The following ATE1 variants were observed in gnomAD, a reference collection of about 807,000 sequenced individuals.
The protein encoded by ATE1 is arginyltransferase 1, also known as arginyl-tRNA--protein transferase 1.
ATE1 carries 36 observed loss-of-function variants against 70.5 expected under a neutral mutation model. The ratio of observed to expected loss-of-function variants is 0.51; its 90% CI spans 0.39 to 0.67. ATE1 has a LOEUF of 0.67. Among genes scored for constraint, ATE1 ranks in the 30% least tolerant of loss-of-function variants. ATE1 has a pLI of 0.00. For missense variants in ATE1, 593 were observed against 629.5 expected, an observed-to-expected ratio of 0.94 and a Z score of 0.62; for synonymous variants, 232 against 219.3, an observed-to-expected ratio of 1.06 and a Z score of -0.51.
At chr10:121,757,864 A>G (rs1329049874) in intron 11 of ATE1, among the ~76,000 whole-genome samples, 1 of 152,208 alleles carries the variant, frequency 6.6e-6, no homozygotes, top group Non-Finnish European at 1.5e-5. Context: ...TTCCCATCAT[A>G]TTCCCTCATA....
chr10:121,876,783 A>G (rs919533281), intron 7 of ATE1, among the ~76,000 whole-genome samples: 6 of 152,034 alleles, frequency 3.9e-5, no homozygotes, highest in South Asian at 2.1e-4. Context: ...TGGGTAACAC[A>G]GTGAAACCCC....
intron 6 of ATE1, among the ~76,000 whole-genome samples, chr10:121,901,605 C>A (rs542408098): frequency 6.6e-6 from 1 of 151,912 alleles, no homozygotes; most frequent in East Asian, 1.9e-4. Flanking sequence ...TACAGGTGCA[C>A]GCCACCACGC....
intron 11 of ATE1, among the ~76,000 whole-genome samples, chr10:121,756,780 C>T (rs1366736282): frequency 6.6e-6 from 1 of 152,158 alleles, no homozygotes; most frequent in Non-Finnish European, 1.5e-5. Flanking sequence ...CACAGGGACC[C>T]CTGGGCCCAG....
rs1380474278 is a variant in ATE1 at position 121,924,249 on chromosome 10, G to A, written c.170+17C>T. On this transcript the variant is annotated intron_variant, in intron 2 of 11. Coordinates refer to ENST00000224652, the MANE Select transcript of ATE1 (RefSeq NM_001001976.3). ...CTGAGTAACAGTAGGAAGTCTCTTTGTATCTGGAAGCTTTACCTTCGCCAT... is the reference window on the plus strand; with the variant it reads ...CTGAGTAACAGTAGGAAGTCTCTTTATATCTGGAAGCTTTACCTTCGCCAT... 1 of 1,610,052 alleles carries A rather than the reference G, an allele frequency of 6.2e-7. No homozygotes were observed. The highest frequency in any genetic ancestry group is 1.7e-5 in the Admixed American group (1 of 59,998).
In ATE1 at chr10:121,913,828, A is replaced by T. The variant is rs1951539087; in HGVS notation, c.299T>A (p.Phe100Tyr). The T allele has an allele frequency of 6.2e-7, 1 of 1,613,560 alleles. No individual in the cohort carries two copies. The highest frequency in any genetic ancestry group is 8.5e-7 in the Non-Finnish European group (1 of 1,179,548). Reference sequence around the variant, plus strand: ...TTTGGGAACCTCCCCTTTAGCTAGAAATTTCAACATTTTTTTCAAAACCTT... The same window carrying T: ...TTTGGGAACCTCCCCTTTAGCTAGATATTTCAACATTTTTTTCAAAACCTT... ...HKKVLKKMLKFLAKGEVPKGS... is the reference protein window; with the variant it reads ...HKKVLKKMLKYLAKGEVPKGS... Residue 100 changes from phenylalanine (F) to tyrosine (Y), a missense_variant, in exon 4 of 12, where the codon TTT becomes TAT. By Grantham distance (22) the Phe-to-Tyr change is conservative. Coordinates refer to ENST00000224652, the MANE Select transcript of ATE1 (RefSeq NM_001001976.3).
At chr10:121,788,429 C>T (rs1333115549) in intron 11 of ATE1, among the ~76,000 whole-genome samples, 1 of 152,260 alleles carries the variant, frequency 6.6e-6, no homozygotes, top group East Asian at 1.9e-4. Context: ...TATGGTCACT[C>T]GTCATCAGGT....
At chr10:121,902,329 A>C in intron 6 of ATE1, 62 bp downstream of exon 6, 2 of 1,417,192 alleles carry the variant, frequency 1.4e-6, no homozygotes, top group Non-Finnish European at 1.9e-6. Context: ...AATAAAAATA[A>C]ACGATATGCC....
chr10:121,889,223 C>T (rs1321783377), intron 7 of ATE1, among the ~76,000 whole-genome samples: 6 of 152,010 alleles, frequency 3.9e-5, no homozygotes, highest in Non-Finnish European at 7.4e-5. Context: ...TCTGTATATA[C>T]GTTATACTTC....
chr10:121,876,632 A>C (rs564051926), intron 7 of ATE1, among the ~76,000 whole-genome samples: 1 of 152,216 alleles, frequency 6.6e-6, no homozygotes, highest in Non-Finnish European at 1.5e-5. Flanking sequence ...TAACAATTCT[A>C]TATCTTAAAG....
At chr10:121,860,363 A>G (rs994192535) in intron 8 of ATE1, among the ~76,000 whole-genome samples, 1 of 152,226 alleles carries the variant, frequency 6.6e-6, no homozygotes, top group Non-Finnish European at 1.5e-5. Flanking sequence ...CCATGCCAAC[A>G]CACAATCACA....
rs1458259179 is a variant in ATE1 at position 121,790,230 on chromosome 10, C to T, written c.1317G>A (p.Glu439=). 6.2e-7 allele frequency: 1 copy of T among 1,614,084 alleles called. No individual in the cohort carries two copies. Among genetic ancestry groups the T allele is most frequent in the South Asian group, 1.1e-5 (1 of 91,080 alleles). Residue 439 remains glutamate, a synonymous_variant, in exon 11 of 12, where the codon GAG becomes GAA. Coordinates refer to ENST00000224652, the MANE Select transcript of ATE1 (RefSeq NM_001001976.3). ...CPETYVWVPI[E]QCLPSLENSK... ...AGTTTTCAAGTGAAGGCAGGCATTG[C>T]TCAATGGGTACCCAAACATATGTCT... is the stretch of plus-strand genomic sequence containing the variant.
chr10:121,801,275 GACTT>G (rs1421278013), intron 10 of ATE1, among the ~76,000 whole-genome samples: 8 of 152,096 alleles, frequency 5.3e-5, no homozygotes, highest in African/African-American at 1.9e-4. Context: ...AAGGCTCCGG[GACTT>G]ACTTTAAAGC....
intron 8 of ATE1, among the ~76,000 whole-genome samples, chr10:121,853,743 T>C (rs574384075): frequency 6.6e-6 from 1 of 152,272 alleles, no homozygotes; most frequent in South Asian, 2.1e-4. Flanking sequence ...CAGGCTGCTA[T>C]AACAATATAC....
intron 1 of ATE1, chr10:121,927,608 T>G (rs993107014): frequency 3.1e-6 from 3 of 960,304 alleles, no homozygotes; most frequent in Non-Finnish European, 3.7e-6. Flanking sequence ...CTCCCGACTC[T>G]GGGGAGACCA....
At chr10:121,823,374 T>C (rs934924758) in intron 10 of ATE1, among the ~76,000 whole-genome samples, 2 of 151,952 alleles carry the variant, frequency 1.3e-5, no homozygotes, top group East Asian at 1.9e-4. Flanking sequence ...CTTTAGAATG[T>C]AGGGAGTAGA....
chr10:121,800,128 C>T (rs1946818371), intron 10 of ATE1, among the ~76,000 whole-genome samples: 1 of 152,146 alleles, frequency 6.6e-6, no homozygotes, highest in African/African-American at 2.4e-5. Context: ...CAGAACTACA[C>T]AGGTTTACTA....
chr10:121,911,554 C>T (rs1013790861), intron 4 of ATE1, among the ~76,000 whole-genome samples: 2 of 151,842 alleles, frequency 1.3e-5, no homozygotes, highest in Admixed American at 6.6e-5. Context: ...ACAACTGATA[C>T]ATCCAATTAT....
intron 11 of ATE1, among the ~76,000 whole-genome samples, chr10:121,770,506 T>C (rs1364062839): frequency 6.6e-6 from 1 of 152,190 alleles, no homozygotes; most frequent in Non-Finnish European, 1.5e-5. Flanking sequence ...TTAAAATATT[T>C]TCAGGTTTCA....
chr10:121,865,493 T>A (rs190977919), intron 8 of ATE1, among the ~76,000 whole-genome samples: 1 of 152,340 alleles, frequency 6.6e-6, no homozygotes, highest in East Asian at 1.9e-4. Flanking sequence ...CTCTGATATA[T>A]AATCCCTTTT....
Sources: allele counts gnomAD v4.1 joint callset (sites outside exome capture counted in the v4.1 genomes callset), GRCh38; gene constraint gnomAD v4.1.1; transcripts MANE v1.5; gene names NCBI Gene and HGNC (gene_info 2026-07-23, HGNC 2026-07-21).